CNTNAP5: variants seen among roughly 807,000 people sequenced by gnomAD.
CNTNAP5 encodes contactin associated protein family member 5.
In CNTNAP5, 72 loss-of-function variants were observed where a neutral mutation model predicts 150.2. The ratio of observed to expected loss-of-function variants is 0.48; its 90% CI spans 0.40 to 0.58. The LOEUF is 0.58. CNTNAP5 is among the 20% of genes least tolerant of loss of function. CNTNAP5 has a pLI of 0.00. For missense variants in CNTNAP5, 1,636 were observed against 1,626.2 expected, an observed-to-expected ratio of 1.01 and a Z score of -0.10; for synonymous variants, 672 against 619.8, an observed-to-expected ratio of 1.08 and a Z score of -1.25.
chr2:124,680,479 T>C (rs571108670), intron 13 of CNTNAP5, among the ~76,000 whole-genome samples: 1 of 152,010 alleles, frequency 6.6e-6, no homozygotes, highest in Non-Finnish European at 1.5e-5. Context: ...TCACAGACTC[T>C]GATTATTTCA....
At chr2:124,457,940 A>G (rs926103275) in intron 6 of CNTNAP5, among the ~76,000 whole-genome samples, 2 of 151,844 alleles carry the variant, frequency 1.3e-5, no homozygotes, top group Non-Finnish European at 2.9e-5. Flanking sequence ...TATGGTGAGC[A>G]GGGAACACTT....
chr2:124,346,214 G>A (rs996120383), intron 3 of CNTNAP5, among the ~76,000 whole-genome samples: 1 of 152,182 alleles, frequency 6.6e-6, no homozygotes, highest in Non-Finnish European at 1.5e-5. Context: ...TTGAGAGTGA[G>A]CAAAAGGGTA....
At chr2:124,806,265 A>C (rs938015661) in intron 19 of CNTNAP5, among the ~76,000 whole-genome samples, 1 of 152,140 alleles carries the variant, frequency 6.6e-6, no homozygotes, top group Admixed American at 6.6e-5. Context: ...TTACATATAC[A>C]GTGAGAGGGG....
chr2:124,740,561 A>T (rs1345108811), intron 13 of CNTNAP5, among the ~76,000 whole-genome samples: 2 of 152,156 alleles, frequency 1.3e-5, no homozygotes, highest in Admixed American at 6.6e-5. Context: ...TGGGAAAGAC[A>T]CTAGCGGTTT....
At chr2:124,888,006 G>A (rs751466201) in intron 21 of CNTNAP5, among the ~76,000 whole-genome samples, 48 of 152,024 alleles carry the variant, frequency 3.2e-4, no homozygotes, top group Admixed American at 5.9e-4. Flanking sequence ...ATATGTGCAG[G>A]TTTGTCACTT....
intron 10 of CNTNAP5, among the ~76,000 whole-genome samples, chr2:124,549,972 G>A (rs763846603): frequency 1.3e-5 from 2 of 152,226 alleles, no homozygotes; most frequent in Non-Finnish European, 1.5e-5. Context: ...CGCTACCTGC[G>A]TGGGCCTGAG....
intron 17 of CNTNAP5, among the ~76,000 whole-genome samples, chr2:124,783,919 A>C (rs2104623663): frequency 6.6e-6 from 1 of 152,322 alleles, no homozygotes; most frequent in Admixed American, 6.5e-5. Context: ...TTGAAATTAA[A>C]GTCTACAGTA....
At chr2:124,643,450 A>T in intron 12 of CNTNAP5, among the ~76,000 whole-genome samples, 1 of 152,216 alleles carries the variant, frequency 6.6e-6, no homozygotes, top group Admixed American at 6.5e-5. Flanking sequence ...TGCAAAGGAC[A>T]CAAATAAAGA....
At chr2:124,773,389 C>T (rs1322362433) in intron 17 of CNTNAP5, among the ~76,000 whole-genome samples, 1 of 152,122 alleles carries the variant, frequency 6.6e-6, no homozygotes, top group East Asian at 1.9e-4. Flanking sequence ...ATGGGCTGCC[C>T]TTCCAAGTGC....
intron 19 of CNTNAP5, among the ~76,000 whole-genome samples, chr2:124,846,787 C>A (rs1573657260): frequency 6.6e-6 from 1 of 152,158 alleles, no homozygotes; most frequent in Admixed American, 6.5e-5. Context: ...TGTTCTCCCC[C>A]TTCCCCTAGG....
intron 19 of CNTNAP5, among the ~76,000 whole-genome samples, chr2:124,824,765 C>T (rs944621489): frequency 1.3e-5 from 2 of 152,170 alleles, no homozygotes; most frequent in Non-Finnish European, 2.9e-5. Flanking sequence ...GAAGGCTTCT[C>T]TTAATGTCCT....
intron 4 of CNTNAP5, among the ~76,000 whole-genome samples, chr2:124,427,579 C>T (rs965552601): frequency 2.6e-5 from 4 of 151,946 alleles, no homozygotes; most frequent in Non-Finnish European, 5.9e-5. Context: ...GCCTCAGCCT[C>T]CCGAGTAGCT....
At chr2:124,844,493 G>A (rs888732690) in intron 19 of CNTNAP5, among the ~76,000 whole-genome samples, 8 of 151,782 alleles carry the variant, frequency 5.3e-5, no homozygotes, top group Admixed American at 1.3e-4. Flanking sequence ...TTGCCTATGT[G>A]GGCTATTTTT....
At chr2:124,228,341 C>T (rs1359078993) in intron 2 of CNTNAP5, among the ~76,000 whole-genome samples, 1 of 152,152 alleles carries the variant, frequency 6.6e-6, no homozygotes, top group Non-Finnish European at 1.5e-5. Context: ...AATATTTCTA[C>T]TGATTCAAAT....
chr2:124,583,590 A>C (rs1696462626), intron 11 of CNTNAP5, among the ~76,000 whole-genome samples: 1 of 152,236 alleles, frequency 6.6e-6, no homozygotes, highest in Non-Finnish European at 1.5e-5. Context: ...ATTTGACTGA[A>C]CTAAATTCCA....
chr2:124,819,075 T>C (rs1035935321), intron 19 of CNTNAP5, among the ~76,000 whole-genome samples: 18 of 152,126 alleles, frequency 1.2e-4, no homozygotes, highest in Admixed American at 1.1e-3. Flanking sequence ...GTGGGGCTTA[T>C]AGAGACCATG....
chr2:124,775,299 T>C (rs1681297393), intron 17 of CNTNAP5, among the ~76,000 whole-genome samples: 1 of 152,206 alleles, frequency 6.6e-6, no homozygotes, highest in South Asian at 2.1e-4. Flanking sequence ...TTAGTTATAG[T>C]CACCAAAATG....
At chr2:124,910,232 C>T (rs1405829029) in intron 22 of CNTNAP5, among the ~76,000 whole-genome samples, 1 of 151,924 alleles carries the variant, frequency 6.6e-6, no homozygotes, top group East Asian at 1.9e-4. Flanking sequence ...TGAAGAATTG[C>T]GTGTCTTGGT....
chr2:124,473,570 T>G (rs1693569920), intron 6 of CNTNAP5, among the ~76,000 whole-genome samples: 1 of 151,982 alleles, frequency 6.6e-6, no homozygotes, highest in African/African-American at 2.4e-5. Flanking sequence ...GTTATTCATA[T>G]AAGAAGACAT....
Sources: allele counts gnomAD v4.1 joint callset (sites outside exome capture counted in the v4.1 genomes callset), GRCh38; gene constraint gnomAD v4.1.1; transcripts MANE v1.5; gene names NCBI Gene and HGNC (gene_info 2026-07-23, HGNC 2026-07-21).